The following SGCZ variants were observed in gnomAD, a reference collection of about 807,000 sequenced individuals.
The protein encoded by SGCZ is sarcoglycan zeta, also known as zeta-sarcoglycan.
In SGCZ, 40 loss-of-function variants were observed where a neutral mutation model predicts 41.3. That is an observed-to-expected ratio of 0.97 (90% CI 0.75 to 1.26). The LOEUF (loss-of-function observed/expected upper bound fraction) is 1.26, where lower values mean the gene tolerates loss of function less well. SGCZ is among the 50% of genes most tolerant of loss of function. The probability of loss-of-function intolerance (pLI) is 0.00; values close to 1 mark genes in which losing one functional copy is unlikely to be tolerated. For synonymous variants in SGCZ, 206 were observed against 137.5 expected (o/e 1.50, Z -3.49); for missense variants, 552 against 369.8 (o/e 1.49, Z -4.04).
intron 1 of SGCZ, among the ~76,000 whole-genome samples, chr8:15,171,868 C>T (rs1444744707): frequency 1.3e-5 from 2 of 152,216 alleles, no homozygotes; most frequent in East Asian, 1.9e-4. Flanking sequence ...CATTGCCAAA[C>T]GAGCTGTCTT....
At chr8:14,495,795 G>A (rs1169488104) in intron 2 of SGCZ, among the ~76,000 whole-genome samples, 1 of 151,952 alleles carries the variant, frequency 6.6e-6, no homozygotes, top group Non-Finnish European at 1.5e-5. Context: ...TTGAAAAACT[G>A]TATTTTTGAA....
intron 4 of SGCZ, among the ~76,000 whole-genome samples, chr8:14,198,818 A>G (rs1160452127): frequency 6.6e-6 from 1 of 152,198 alleles, no homozygotes; most frequent in Non-Finnish European, 1.5e-5. Context: ...TCTTTACTGC[A>G]ATCTCTGAAC....
intron 1 of SGCZ, among the ~76,000 whole-genome samples, chr8:14,871,824 G>GTATATA (rs111251530): frequency 6.8e-6 from 1 of 147,650 alleles, no homozygotes; most frequent in Non-Finnish European, 1.5e-5. Flanking sequence ...ATATGTGTGT[G>GTATATA]TATATATATA....
chr8:14,784,981 T>A lies in SGCZ; in HGVS notation c.40-230055A>T, dbSNP rs897944886. Reference sequence around the variant, plus strand: ...TATATATATATAATATATATATTTTTTATATATTATATATATATAGCTTTA... The same window carrying A: ...TATATATATATAATATATATATTTTATATATATTATATATATATAGCTTTA... On this transcript the variant is annotated intron_variant, in intron 1 of 7. Transcript: ENST00000382080. 1.2e-4 allele frequency among the ~76,000 whole-genome samples: 17 copies of A among 142,446 alleles called. 1 individual carries two copies. Among genetic ancestry groups the A allele is most frequent in the East Asian group, 4.0e-4 (2 of 5,050 alleles). 93.5% of individuals were successfully genotyped at this position (142,446 alleles called of 152,430 possible).
At chr8:14,661,133 A>G (rs1003944171) in intron 1 of SGCZ, among the ~76,000 whole-genome samples, 1 of 152,166 alleles carries the variant, frequency 6.6e-6, no homozygotes, top group African/African-American at 2.4e-5. Flanking sequence ...AACATCATAC[A>G]TAAGCTAAAA....
In SGCZ at chr8:14,779,574, T is replaced by C. The variant is rs151038805; in HGVS notation, c.40-224648A>G. 3.3e-3 allele frequency among the ~76,000 whole-genome samples: 506 copies of C among 152,336 alleles called. 7 individuals are homozygous for C. Among genetic ancestry groups the C allele is most frequent in the Middle Eastern group, 0.024 (7 of 294 alleles). On this transcript the variant is annotated intron_variant, in intron 1 of 7. Coordinates refer to ENST00000382080, the MANE Select transcript of SGCZ (RefSeq NM_139167.4). ...CTTTAAGCCACTACGTTTTTATTTG[T>C]TAAGCAGAAATAGATATTCAATGAA... is the stretch of plus-strand genomic sequence containing the variant.
intron 1 of SGCZ, among the ~76,000 whole-genome samples, chr8:14,995,874 G>A (rs989698240): frequency 1.3e-5 from 2 of 151,830 alleles, no homozygotes; most frequent in East Asian, 1.9e-4. Flanking sequence ...TATGGCATCC[G>A]TTTCTTACCT....
At chr8:14,906,916 G>A (rs1799134927) in intron 1 of SGCZ, among the ~76,000 whole-genome samples, 1 of 152,132 alleles carries the variant, frequency 6.6e-6, no homozygotes, top group African/African-American at 2.4e-5. Flanking sequence ...TGGAGTCAAA[G>A]TATTTTCAAA....
intron 1 of SGCZ, among the ~76,000 whole-genome samples, chr8:14,843,406 G>C (rs992988562): frequency 6.6e-6 from 1 of 151,954 alleles, no homozygotes; most frequent in Non-Finnish European, 1.5e-5. Context: ...AGAATTTCAG[G>C]TATCTATTTT....
At chr8:14,166,940 C>CTAAT (rs1216286409) in intron 4 of SGCZ, among the ~76,000 whole-genome samples, 1 of 152,030 alleles carries the variant, frequency 6.6e-6, no homozygotes, top group Non-Finnish European at 1.5e-5. Flanking sequence ...GCAGAGTCAT[C>CTAAT]TAATTGAAAA....
At chr8:14,254,779 T>G (rs1799404760) in intron 3 of SGCZ, among the ~76,000 whole-genome samples, 1 of 152,162 alleles carries the variant, frequency 6.6e-6, no homozygotes, top group Non-Finnish European at 1.5e-5. Context: ...ATTTGTGATG[T>G]GTGAGATTCA....
rs552337797 is a variant in SGCZ, at chr8:14,533,381, G to C, written c.234+21351C>G. On this transcript the variant is annotated intron_variant, in intron 2 of 7. Coordinates refer to ENST00000382080, the MANE Select transcript of SGCZ (RefSeq NM_139167.4). ...TCAAATTAAAATATTTAAAGGCTCA[G>C]TGGAAATCTTTTATTTTAATTTTTG... Among the ~76,000 whole-genome samples, 5 of 152,128 alleles carry C rather than the reference G, an allele frequency of 3.3e-5. No homozygotes were observed. The South Asian group carries it at 1.0e-3, about 32-fold the overall frequency.
chr8:14,925,975 T>A (rs560141272), intron 1 of SGCZ, among the ~76,000 whole-genome samples: 2 of 152,324 alleles, frequency 1.3e-5, no homozygotes, highest in African/African-American at 4.8e-5. Flanking sequence ...AGCAACAGTA[T>A]GATTTGTAAA....
chr8:14,475,376 A>G (rs1266893201), intron 2 of SGCZ, among the ~76,000 whole-genome samples: 3 of 152,164 alleles, frequency 2.0e-5, no homozygotes, highest in East Asian at 1.9e-4. Flanking sequence ...TGTAATTTGT[A>G]TATGAAAGTA....
At chr8:14,411,634 A>G (rs1331744422) in intron 2 of SGCZ, among the ~76,000 whole-genome samples, 2 of 152,100 alleles carry the variant, frequency 1.3e-5, no homozygotes, top group African/African-American at 4.8e-5. Flanking sequence ...TTAGAGCATC[A>G]TATACCCACC....
At chr8:15,166,309 A>G (rs1183729898) in intron 1 of SGCZ, among the ~76,000 whole-genome samples, 2 of 149,192 alleles carry the variant, frequency 1.3e-5, no homozygotes, top group Non-Finnish European at 3.0e-5. Context: ...GTGCAGTGGC[A>G]AGATCTCAGC....
chr8:14,194,014 T>C (rs1805188478), intron 4 of SGCZ, among the ~76,000 whole-genome samples: 1 of 151,828 alleles, frequency 6.6e-6, no homozygotes, highest in Non-Finnish European at 1.5e-5. Context: ...GTCAGCATGA[T>C]GGGACAATAG....
At chr8:14,235,462 C>T (rs1445247683) in intron 4 of SGCZ, among the ~76,000 whole-genome samples, 1 of 152,192 alleles carries the variant, frequency 6.6e-6, no homozygotes, top group Non-Finnish European at 1.5e-5. Context: ...CCTCCTCTTG[C>T]TATTTTCTCT....
At position 14,982,954 on chromosome 8, in the gene SGCZ, GT is replaced by G. The variant is rs781334642; in HGVS notation, c.39+254630del. Among the ~76,000 whole-genome samples, 15 of 152,330 alleles carry G rather than the reference GT, an allele frequency of 9.8e-5. No homozygotes were observed. The East Asian group carries it at 1.2e-3, about 12-fold the overall frequency. ...GCAAATTCCGGAGACAGAGGAAGTA[GT>G]TGGAATCCCAATTTAGCCACCTATT... On this transcript the variant is annotated intron_variant, in intron 1 of 7. Transcript: ENST00000382080.
Sources: allele counts gnomAD v4.1 joint callset (sites outside exome capture counted in the v4.1 genomes callset), GRCh38; gene constraint gnomAD v4.1.1; transcripts MANE v1.5; gene names NCBI Gene and HGNC (gene_info 2026-07-23, HGNC 2026-07-21).